The following SRPK2 variants were observed in gnomAD, a reference collection of about 807,000 sequenced individuals.
SRPK2 encodes the protein SFRS protein kinase 2.
Under a neutral mutation model 90.8 loss-of-function variants are expected in SRPK2, and 21 were observed. The observed-to-expected ratio is 0.23, with a 90% CI of 0.16 to 0.33. The LOEUF is 0.33. Ranked by LOEUF, SRPK2 falls within the 10% of genes least tolerant of loss-of-function variation. The probability of loss-of-function intolerance (pLI) is 1.00; values close to 1 mark genes in which losing one functional copy is unlikely to be tolerated. For synonymous variants in SRPK2, 288 were observed against 311.1 expected (o/e 0.93, Z 0.78); for missense variants, 620 against 869.0 (o/e 0.71, Z 3.60).
intron 2 of SRPK2, among the ~76,000 whole-genome samples, chr7:105,221,000 T>A (rs1162581085): frequency 6.6e-6 from 1 of 152,220 alleles, no homozygotes; most frequent in Non-Finnish European, 1.5e-5. Flanking sequence ...TCAAAAAATA[T>A]TAGCAGTATT....
At chr7:105,364,334 T>G (rs1270712461) in intron 2 of SRPK2, among the ~76,000 whole-genome samples, 4 of 152,014 alleles carry the variant, frequency 2.6e-5, no homozygotes, top group Non-Finnish European at 5.9e-5. Flanking sequence ...ACCCAGACAT[T>G]CATGATGGTC....
intron 3 of SRPK2, among the ~76,000 whole-genome samples, chr7:105,176,624 T>TAC (rs765449345): frequency 2.0e-5 from 3 of 150,118 alleles, no homozygotes; most frequent in Admixed American, 6.7e-5. Flanking sequence ...CGTGTGTGTA[T>TAC]ATATATATAT....
intron 2 of SRPK2, among the ~76,000 whole-genome samples, chr7:105,314,889 TAGG>T (rs1300589131): frequency 1.3e-5 from 2 of 152,208 alleles, no homozygotes; most frequent in African/African-American, 4.8e-5. Flanking sequence ...AAAGTATATG[TAGG>T]AGAACAGGAA....
chr7:105,289,186 C>A (rs12705304), intron 2 of SRPK2, among the ~76,000 whole-genome samples: 90,628 of 150,048 alleles, frequency 0.6, 28,296 homozygotes, highest in South Asian at 0.76. Flanking sequence ...AGGCAGGAGA[C>A]TGGCGTGAAC....
intron 3 of SRPK2, among the ~76,000 whole-genome samples, chr7:105,183,599 G>C (rs1436201695): frequency 6.6e-6 from 1 of 152,116 alleles, no homozygotes; most frequent in Non-Finnish European, 1.5e-5. Flanking sequence ...CCATTATCCT[G>C]CCTCAGCCTC....
intron 3 of SRPK2, among the ~76,000 whole-genome samples, chr7:105,203,003 T>G (rs532709632): frequency 5.3e-5 from 8 of 152,356 alleles, no homozygotes; most frequent in African/African-American, 1.4e-4. Flanking sequence ...TACTTTATTT[T>G]TTGGAGGCAG....
At chr7:105,149,361 C>T (rs531518407) in intron 7 of SRPK2, among the ~76,000 whole-genome samples, 3 of 152,232 alleles carry the variant, frequency 2.0e-5, no homozygotes, top group East Asian at 3.9e-4. Flanking sequence ...GTCATAGTAC[C>T]TTCCCTTGAA....
chr7:105,118,018 T>C lies in SRPK2; in HGVS notation c.1920A>G (p.Glu640=), dbSNP rs757475891. 1 of 1,613,802 alleles carries C rather than the reference T, an allele frequency of 6.2e-7. No homozygotes were observed. The highest frequency in any genetic ancestry group is 1.7e-5 in the Admixed American group (1 of 59,996). ...GCTTCAGCTTGGTGATGTGTCGCAG[T>C]TCTCCTACAGGGGAAAAAACAGGCC... ...YSREFFNRRG[E]LRHITKLKPW... Residue 640 remains glutamate, a synonymous_variant, in exon 16 of 16, where the codon GAA becomes GAG. Transcript: ENST00000393651.
At chr7:105,255,790 G>A in intron 2 of SRPK2, among the ~76,000 whole-genome samples, 1 of 152,062 alleles carries the variant, frequency 6.6e-6, no homozygotes, top group Non-Finnish European at 1.5e-5. Flanking sequence ...AAATTAGCTG[G>A]ACGTGCTGGT....
intron 2 of SRPK2, among the ~76,000 whole-genome samples, chr7:105,213,712 T>C (rs1003442362): frequency 6.6e-6 from 1 of 152,228 alleles, no homozygotes; most frequent in Non-Finnish European, 1.5e-5. Context: ...CTAAAAGCTA[T>C]GTTTGTAGAC....
At chr7:105,244,698 A>C in intron 2 of SRPK2, 1 of 1,147,540 alleles carries the variant, frequency 8.7e-7, no homozygotes, top group Non-Finnish European at 1.3e-6. Context: ...AAGGGCCAAA[A>C]GGTGACCAAG....
intron 11 of SRPK2, among the ~76,000 whole-genome samples, chr7:105,139,657 T>C: frequency 6.6e-6 from 1 of 152,242 alleles, no homozygotes; most frequent in Non-Finnish European, 1.5e-5. Context: ...TCTGCTCCTT[T>C]ACATGGATTG....
intron 15 of SRPK2, among the ~76,000 whole-genome samples, chr7:105,124,817 G>A (rs1489129840): frequency 2.0e-5 from 3 of 151,422 alleles, no homozygotes; most frequent in African/African-American, 2.4e-5. Flanking sequence ...AAATATGAAG[G>A]ACCAACTACA....
chr7:105,389,224 G>A, upstream of SRPK2: 1 of 1,209,238 alleles, frequency 8.3e-7, no homozygotes, highest in South Asian at 1.4e-5. Flanking sequence ...CCTCCCCGCC[G>A]CGGCCTCTCC....
intron 2 of SRPK2, among the ~76,000 whole-genome samples, chr7:105,348,308 T>A (rs1005591973): frequency 6.6e-6 from 1 of 151,982 alleles, no homozygotes; most frequent in African/African-American, 2.4e-5. Flanking sequence ...TGACATCAGG[T>A]GATCCACCCA....
chr7:105,249,937 T>TGA (rs1262938187), intron 2 of SRPK2, among the ~76,000 whole-genome samples: 21 of 152,214 alleles, frequency 1.4e-4, no homozygotes, highest in Non-Finnish European at 2.1e-4. Flanking sequence ...GGATGACATA[T>TGA]GATATGTAAA....
At chr7:105,331,337 A>AAAAAAAAAAAAAAAAAAAG (rs1554512429) in intron 2 of SRPK2, among the ~76,000 whole-genome samples, 1 of 141,830 alleles carries the variant, frequency 7.1e-6, no homozygotes. Context: ...AAAAAAAAAA[A>AAAAAAAAAAAAAAAAAAAG]CAAATAGTTA....
chr7:105,301,357 G>T (rs529354561), intron 2 of SRPK2, among the ~76,000 whole-genome samples: 1 of 151,738 alleles, frequency 6.6e-6, no homozygotes, highest in South Asian at 2.1e-4. Context: ...GGGCGCTGCC[G>T]AGGCCAGGGG....
chr7:105,235,092 G>C (rs1328328878), intron 2 of SRPK2, among the ~76,000 whole-genome samples: 2 of 152,308 alleles, frequency 1.3e-5, no homozygotes, highest in South Asian at 2.1e-4. Context: ...ATGTGGCCCA[G>C]AGAAGCCAAA....
Sources: allele counts gnomAD v4.1 joint callset (sites outside exome capture counted in the v4.1 genomes callset), GRCh38; gene constraint gnomAD v4.1.1; transcripts MANE v1.5; gene names NCBI Gene and HGNC (gene_info 2026-07-23, HGNC 2026-07-21).